The following S100A5 variants were observed in gnomAD, a reference collection of about 807,000 sequenced individuals.
S100A5 encodes the protein S100 calcium binding protein A5, also known as protein S100-A5.
A neutral mutation model predicts 6.7 loss-of-function variants in S100A5; 5 were observed. The observed-to-expected ratio is 0.75, with a 90% CI of 0.39 to 1.57. The LOEUF (loss-of-function observed/expected upper bound fraction) is 1.57. Ranked by LOEUF, S100A5 falls within the 40% of genes most tolerant of loss-of-function variation. S100A5 has a pLI of 0.03. For synonymous variants in S100A5, 49 were observed against 44.9 expected (o/e 1.09, Z -0.37); for missense variants, 129 against 110.8 (o/e 1.16, Z -0.74).
chr1:153,538,291 C>G (rs946818652), intron 2 of S100A5, among the ~76,000 whole-genome samples: 1 of 152,144 alleles, frequency 6.6e-6, no homozygotes, highest in Non-Finnish European at 1.5e-5. Context: ...CAGCCTGGCT[C>G]CATTAGGACG....
upstream of S100A5, chr1:153,543,132 G>T: frequency 1.4e-6 from 1 of 716,066 alleles, no homozygotes; most frequent in Non-Finnish European, 1.7e-6. Flanking sequence ...GCAGGACAGG[G>T]CCTGGACTGT....
At chr1:153,539,738 T>C (rs1665323627) in intron 2 of S100A5, among the ~76,000 whole-genome samples, 2 of 151,906 alleles carry the variant, frequency 1.3e-5, no homozygotes, top group African/African-American at 4.8e-5. Flanking sequence ...CTGCATCCCT[T>C]CACCACCCAT....
At chr1:153,539,995 G>A (rs1297201713) in intron 2 of S100A5, 59 bp downstream of exon 2, 5 of 1,589,410 alleles carry the variant, frequency 3.1e-6, no homozygotes, top group Non-Finnish European at 4.3e-6. Flanking sequence ...GGGTAGGTAT[G>A]TGTCCCCCAG....
At chr1:153,541,784 T>C (rs895639300), upstream of S100A5, 5 of 1,074,428 alleles carry the variant, frequency 4.7e-6, no homozygotes, top group Non-Finnish European at 5.7e-6. Flanking sequence ...GGGCACCATC[T>C]CCCCGTGTCC....
intron 2 of S100A5, among the ~76,000 whole-genome samples, chr1:153,538,637 G>A (rs1337092475): frequency 1.3e-5 from 2 of 152,162 alleles, no homozygotes; most frequent in Admixed American, 6.5e-5. Flanking sequence ...TGCCCATGTG[G>A]CACACTGTGG....
chr1:153,538,429 C>T (rs1665258825), intron 2 of S100A5, among the ~76,000 whole-genome samples: 1 of 152,178 alleles, frequency 6.6e-6, no homozygotes, highest in Non-Finnish European at 1.5e-5. Flanking sequence ...GCGGAAACTG[C>T]TTGTCTGTCA....
upstream of S100A5, chr1:153,541,256 C>T: frequency 1.5e-6 from 1 of 653,394 alleles, no homozygotes; most frequent in Non-Finnish European, 2.6e-6. Flanking sequence ...CTGCCCTCTT[C>T]TCCCTGAGCG....
At chr1:153,541,932 G>A, upstream of S100A5, 8 of 978,558 alleles carry the variant, frequency 8.2e-6, no homozygotes, top group South Asian at 3.3e-4. Context: ...GAGCTAATAT[G>A]GGCCCAGAGG....
chr1:153,542,654 C>T (rs1464095448), upstream of S100A5, among the ~76,000 whole-genome samples: 1 of 152,184 alleles, frequency 6.6e-6, no homozygotes, highest in African/African-American at 2.4e-5. Flanking sequence ...TGCACCTCTT[C>T]CTAAAAGATC....
chr1:153,538,963 T>A (rs1233810138), intron 2 of S100A5, among the ~76,000 whole-genome samples: 1 of 151,998 alleles, frequency 6.6e-6, no homozygotes, highest in Admixed American at 6.6e-5. Context: ...ACCCCATCTC[T>A]ACAAAAAATT....
At chr1:153,539,425 A>T (rs28692886) in intron 2 of S100A5, among the ~76,000 whole-genome samples, 2 of 24,778 alleles carry the variant, frequency 8.1e-5, no homozygotes, top group African/African-American at 4.8e-4. Context: ...AGACTCTCTC[A>T]AAAAAAAAAA....
At chr1:153,539,490 T>C (rs1270269899) in intron 2 of S100A5, among the ~76,000 whole-genome samples, 5 of 142,004 alleles carry the variant, frequency 3.5e-5, no homozygotes, top group Admixed American at 7.1e-5. Flanking sequence ...TTTATTTATT[T>C]ATCCTCGGGG....
chr1:153,543,366 T>C (rs1157799339), upstream of S100A5: 4 of 868,136 alleles, frequency 4.6e-6, no homozygotes, highest in African/African-American at 7.3e-5. Context: ...GTGGGCTGGC[T>C]GAGATCCCAC....
chr1:153,539,938 T>C (rs2101686247), intron 2 of S100A5, 116 bp downstream of exon 2: 10 of 1,234,720 alleles, frequency 8.1e-6, no homozygotes, highest in Non-Finnish European at 1.2e-5. Context: ...TGTCTCTGTC[T>C]GTAGCCCTTG....
chr1:153,540,178 A>G lies in S100A5; in HGVS notation c.14T>C (p.Leu5Pro). Residue 5 changes from leucine (L) to proline (P), a missense_variant, in exon 2 of 3, where the codon CTG (leucine) becomes CCG (proline). Leu to Pro is a moderately conservative substitution (Grantham distance 98). Coordinates refer to ENST00000368717, the MANE Select transcript of S100A5 (RefSeq NM_001394232.1). Reference protein sequence around the residue: METPLEKALTTMVTT... With the variant: METPPEKALTTMVTT... ...CACCATAGTGGTCAGGGCCTTCTCC[A>G]GAGGAGTCTCCATCACAGTGTGCAG... is the stretch of plus-strand genomic sequence containing the variant. 1.9e-6 allele frequency: 3 copies of G among 1,614,148 alleles called. No individual in the cohort carries two copies. Among genetic ancestry groups the G allele is most frequent in the Non-Finnish European group, 2.5e-6 (3 of 1,180,010 alleles).
At chr1:153,537,996 A>ATC (rs2101682156) in intron 2 of S100A5, among the ~76,000 whole-genome samples, 1 of 152,178 alleles carries the variant, frequency 6.6e-6, no homozygotes, top group East Asian at 1.9e-4. Context: ...GCAGTAAGTA[A>ATC]GATCATGCCA....
At chr1:153,538,084 T>C (rs1571231934) in intron 2 of S100A5, among the ~76,000 whole-genome samples, 1 of 151,924 alleles carries the variant, frequency 6.6e-6, no homozygotes, top group Admixed American at 6.6e-5. Flanking sequence ...TTATGTGGCA[T>C]TGAGCATTAT....
At chr1:153,542,248 A>G (rs919663534), upstream of S100A5, among the ~76,000 whole-genome samples, 2 of 152,228 alleles carry the variant, frequency 1.3e-5, no homozygotes, top group Non-Finnish European at 2.9e-5. Flanking sequence ...ACCTGGGCTC[A>G]GGGTGTAGTA....
upstream of S100A5, chr1:153,541,452 T>C (rs1431441775): frequency 5.1e-6 from 7 of 1,367,686 alleles, no homozygotes; most frequent in African/African-American, 1.5e-5. Context: ...CTTCTGCCTT[T>C]ATTTCCCTGA....
Sources: allele counts gnomAD v4.1 joint callset (sites outside exome capture counted in the v4.1 genomes callset), GRCh38; gene constraint gnomAD v4.1.1; transcripts MANE v1.5; gene names NCBI Gene and HGNC (gene_info 2026-07-23, HGNC 2026-07-21).